Variants in PPP1R14C observed in about 807,000 individuals in gnomAD.
The protein encoded by PPP1R14C is protein phosphatase 1 regulatory subunit 14C.
PPP1R14C carries 16 observed loss-of-function variants against 20.4 expected under a neutral mutation model. The ratio of observed to expected loss-of-function variants is 0.78; its 90% CI spans 0.53 to 1.19. The LOEUF is 1.19. PPP1R14C is among the 50% of genes most tolerant of loss of function. The pLI, the probability that PPP1R14C is intolerant of heterozygous loss-of-function variation, is 0.00. For synonymous variants in PPP1R14C, 91 were observed against 91.0 expected (o/e 1.00, Z 0.00); for missense variants, 211 against 220.1 (o/e 0.96, Z 0.26).
rs548480805 is a variant in PPP1R14C at position 150,219,510 on chromosome 6, C to T, written c.423+2654C>T. On this transcript the variant is annotated intron_variant, in intron 3 of 3. Coordinates refer to ENST00000361131, the MANE Select transcript of PPP1R14C (RefSeq NM_030949.3). ...GGATTACAGGCGTGAGTCACTGTGCCCGGCCATAACGCTTGTCTTTGGTTT... is the reference window on the plus strand; with the variant it reads ...GGATTACAGGCGTGAGTCACTGTGCTCGGCCATAACGCTTGTCTTTGGTTT... Among the ~76,000 whole-genome samples, 11 of 151,932 alleles carry T rather than the reference C, an allele frequency of 7.2e-5. No individual in the cohort carries two copies. In the South Asian group the frequency reaches 1.9e-3, roughly 26 times the overall value.
At chr6:150,218,685 G>T (rs1283412727) in intron 3 of PPP1R14C, among the ~76,000 whole-genome samples, 1 of 151,730 alleles carries the variant, frequency 6.6e-6, no homozygotes, top group Non-Finnish European at 1.5e-5. Flanking sequence ...GTCTCATTCT[G>T]TCACCCAGGC....
intron 1 of PPP1R14C, among the ~76,000 whole-genome samples, chr6:150,170,143 T>G (rs1398712350): frequency 6.6e-6 from 1 of 152,178 alleles, no homozygotes; most frequent in Non-Finnish European, 1.5e-5. Context: ...TTTTACCTTC[T>G]GATGGGAGGA....
chr6:150,226,742 A>G (rs1399511923), intron 3 of PPP1R14C, among the ~76,000 whole-genome samples: 1 of 152,126 alleles, frequency 6.6e-6, no homozygotes, highest in East Asian at 1.9e-4. Context: ...GATAGAACCT[A>G]TCATTGTATC....
At chr6:150,157,200 A>G (rs1272775985) in intron 1 of PPP1R14C, among the ~76,000 whole-genome samples, 1 of 152,244 alleles carries the variant, frequency 6.6e-6, no homozygotes, top group Non-Finnish European at 1.5e-5. Flanking sequence ...TGTATAAAAT[A>G]TTTAGTAAAA....
chr6:150,197,111 T>A (rs1777813952), intron 1 of PPP1R14C, among the ~76,000 whole-genome samples: 4 of 152,198 alleles, frequency 2.6e-5, no homozygotes, highest in Admixed American at 2.6e-4. Context: ...GTTTGGGAAC[T>A]GGCTGGAGTC....
At chr6:150,157,207 A>G (rs973892584) in intron 1 of PPP1R14C, among the ~76,000 whole-genome samples, 1 of 152,254 alleles carries the variant, frequency 6.6e-6, no homozygotes, top group Non-Finnish European at 1.5e-5. Flanking sequence ...AATATTTAGT[A>G]AAATGAAATT....
chr6:150,174,997 T>C (rs1777546198), intron 1 of PPP1R14C, among the ~76,000 whole-genome samples: 1 of 151,936 alleles, frequency 6.6e-6, no homozygotes, highest in South Asian at 2.1e-4. Flanking sequence ...GAAGAGGATG[T>C]TTCTTTTTTG....
At chr6:150,228,955 A>G (rs989053626) in intron 3 of PPP1R14C, among the ~76,000 whole-genome samples, 3 of 152,182 alleles carry the variant, frequency 2.0e-5, no homozygotes, top group African/African-American at 4.8e-5. Context: ...TAGAGGAGGC[A>G]CAAGCTTTAA....
intron 1 of PPP1R14C, among the ~76,000 whole-genome samples, chr6:150,200,146 T>C (rs1423756553): frequency 6.7e-6 from 1 of 149,100 alleles, no homozygotes; most frequent in Non-Finnish European, 1.5e-5. Context: ...CCAGTTGATA[T>C]ATTAATATTT....
At chr6:150,217,536 T>C (rs531752219) in intron 3 of PPP1R14C, among the ~76,000 whole-genome samples, 10 of 152,270 alleles carry the variant, frequency 6.6e-5, no homozygotes, top group African/African-American at 2.2e-4. Context: ...CAGGTCTGTC[T>C]TTCCAAAGAG....
intron 3 of PPP1R14C, 100 bp downstream of exon 3, chr6:150,216,956 G>A: frequency 2.3e-6 from 2 of 865,028 alleles, no homozygotes; most frequent in Non-Finnish European, 3.7e-6. Flanking sequence ...GTTTGAGTGT[G>A]TGTATACCAA....
intron 1 of PPP1R14C, among the ~76,000 whole-genome samples, chr6:150,161,632 G>A (rs1426233608): frequency 6.6e-6 from 1 of 151,044 alleles, no homozygotes; most frequent in African/African-American, 2.4e-5. Context: ...TAGTATATAT[G>A]TACAGCAATA....
intron 1 of PPP1R14C, among the ~76,000 whole-genome samples, chr6:150,147,390 G>A (rs570391239): frequency 1.4e-3 from 210 of 152,100 alleles, no homozygotes; most frequent in Non-Finnish European, 2.0e-3. Context: ...ATGTTGGCCA[G>A]GCTGGTCTCG....
Position 150,162,504 on chromosome 6 carries a change from G to A in PPP1R14C, c.306+19006G>A, listed in dbSNP as rs546182314. On this transcript the variant is annotated intron_variant, in intron 1 of 3. Transcript: ENST00000361131. ...CACAATATACATTTAAGATTCATCC[G>A]TGGTTTTTTTGTGACTTGATAGCTC... Among the ~76,000 whole-genome samples, 6 of 144,526 alleles carry A rather than the reference G, an allele frequency of 4.2e-5. No homozygotes were observed. The South Asian group carries it at 1.2e-3, about 29-fold the overall frequency. 94.8% of individuals were successfully genotyped at this position (144,526 alleles called of 152,430 possible). A position where few individuals can be genotyped will look rare whatever the true frequency, so the allele number is the denominator to read the frequency against.
chr6:150,144,646 C>A (rs1281673016), intron 1 of PPP1R14C, among the ~76,000 whole-genome samples: 1 of 152,222 alleles, frequency 6.6e-6, no homozygotes, highest in African/African-American at 2.4e-5. Context: ...GTATTTGACA[C>A]ATTTCATGGC....
chr6:150,235,435 G>A (rs73011616), intron 3 of PPP1R14C, among the ~76,000 whole-genome samples: 8,918 of 152,276 alleles, frequency 0.059, 338 homozygotes, highest in African/African-American at 0.087. Context: ...TTTCCTGGGT[G>A]TAACCAATTG....
intron 1 of PPP1R14C, among the ~76,000 whole-genome samples, chr6:150,144,695 A>G (rs919012541): frequency 4.6e-5 from 7 of 152,250 alleles, no homozygotes; most frequent in African/African-American, 1.7e-4. Context: ...CCCTCATTGC[A>G]CAAGAAAACA....
At chr6:150,194,319 T>C (rs922545526) in intron 1 of PPP1R14C, among the ~76,000 whole-genome samples, 1 of 152,184 alleles carries the variant, frequency 6.6e-6, no homozygotes, top group Non-Finnish European at 1.5e-5. Flanking sequence ...CAAGAAATGG[T>C]TACTTAACAA....
chr6:150,211,215 C>T lies in PPP1R14C; in HGVS notation c.307-3529C>T, dbSNP rs140138177. 1.6e-3 allele frequency among the ~76,000 whole-genome samples: 250 copies of T among 152,326 alleles called. 1 individual carries two copies. The highest frequency in any genetic ancestry group is 5.1e-3 in the African/African-American group (210 of 41,582). ...TTGTCAGAGCTGTGTTTAGACAGCC[C>T]GTCCCCCAGTGCCAGGGCCTCACTG... On this transcript the variant is annotated intron_variant, in intron 1 of 3. Coordinates refer to ENST00000361131, the MANE Select transcript of PPP1R14C (RefSeq NM_030949.3).
Sources: gnomAD v4.1 joint callset for allele counts (sites outside exome capture counted in the v4.1 genomes callset) on GRCh38, gnomAD v4.1.1 for gene constraint, MANE v1.5 for transcripts, NCBI Gene and HGNC (gene_info 2026-07-23, HGNC 2026-07-21) for gene names.